PDE1A: variants seen among roughly 807,000 people sequenced by gnomAD.
The protein encoded by PDE1A is phosphodiesterase 1A.
PDE1A carries 35 observed loss-of-function variants against 61.7 expected under a neutral mutation model. The ratio of observed to expected loss-of-function variants is 0.57; its 90% confidence interval spans 0.43 to 0.75. The LOEUF (loss-of-function observed/expected upper bound fraction) is 0.75, where lower values mean the gene tolerates loss of function less well. Ranked by LOEUF, PDE1A falls within the 30% of genes least tolerant of loss-of-function variation. PDE1A has a pLI of 0.00. For synonymous variants in PDE1A, 232 were observed against 213.2 expected, an observed-to-expected ratio of 1.09 and a Z score of -0.77; for missense variants, 597 against 630.6, an observed-to-expected ratio of 0.95 and a Z score of 0.57.
the PDE1A span, among the ~76,000 whole-genome samples, chr2:182,585,369 A>C: frequency 5.3e-5 from 8 of 152,328 alleles, no homozygotes; most frequent in Admixed American, 3.3e-4. Flanking sequence ...CAATGTCCTC[A>C]ATCAGAGATT....
chr2:182,221,580 T>C (rs1282643373), intron 7 of PDE1A, among the ~76,000 whole-genome samples: 1 of 152,066 alleles, frequency 6.6e-6, no homozygotes, highest in East Asian at 1.9e-4. Flanking sequence ...ACTGTATCAA[T>C]CTCTGGGACC....
intron 2 of PDE1A, among the ~76,000 whole-genome samples, chr2:182,256,872 G>GT (rs1210649339): frequency 1.3e-5 from 2 of 152,130 alleles, no homozygotes; most frequent in Admixed American, 6.5e-5. Context: ...GTCTATCTCT[G>GT]TTTTTTGTAC....
chr2:182,384,458 A>AAATAAT (rs112896044), intron 1 of PDE1A, among the ~76,000 whole-genome samples: 13,943 of 141,788 alleles, frequency 0.098, 1,204 homozygotes, highest in African/African-American at 0.25. Context: ...AATAAAGAGA[A>AAATAAT]AATAATAATA....
At chr2:182,607,730 A>G in the PDE1A span, among the ~76,000 whole-genome samples, 8 of 152,362 alleles carry the variant, frequency 5.3e-5, 1 homozygote, top group South Asian at 1.7e-3. Context: ...AAAGGTTCAT[A>G]TTACAGGATG....
In PDE1A at chr2:182,188,746, G is replaced by A. The variant is rs111534820; in HGVS notation, c.1207+233C>T. The stretch of plus-strand genomic sequence containing the variant: ...AAGAAAATTTTATATTTTGTAAAAG[G>A]ATTACAACCACGATAACAATTACAT... On this transcript the variant is annotated intron_variant, in intron 11 of 13. Transcript: ENST00000351439. 9.2e-5 allele frequency among the ~76,000 whole-genome samples: 14 copies of A among 152,190 alleles called. 1 individual carries two copies. The highest frequency in any genetic ancestry group is 2.9e-4 in the African/African-American group (12 of 41,526).
intron 1 of PDE1A, among the ~76,000 whole-genome samples, chr2:182,342,955 A>G (rs764240925): frequency 7.9e-5 from 12 of 152,212 alleles, no homozygotes; most frequent in Non-Finnish European, 1.6e-4. Flanking sequence ...TGAATATACA[A>G]TATGTATATG....
the PDE1A span, among the ~76,000 whole-genome samples, chr2:182,584,302 T>G: frequency 6.6e-6 from 1 of 151,986 alleles, no homozygotes; most frequent in Non-Finnish European, 1.5e-5. Flanking sequence ...GTTCTACTGC[T>G]GACTATCTCT....
the PDE1A span, among the ~76,000 whole-genome samples, chr2:182,700,758 G>T: frequency 3.4e-4 from 32 of 94,870 alleles, no homozygotes; most frequent in East Asian, 5.5e-3. Flanking sequence ...AAAAGAAAAA[G>T]AAAAAGAAAT....
At chr2:182,556,363 G>A in the PDE1A span, among the ~76,000 whole-genome samples, 5 of 152,330 alleles carry the variant, frequency 3.3e-5, no homozygotes, top group South Asian at 4.1e-4. Flanking sequence ...CCAGGATATC[G>A]TGACTTTTCA....
the PDE1A span, among the ~76,000 whole-genome samples, chr2:182,638,354 C>G: frequency 6.6e-6 from 1 of 152,056 alleles, no homozygotes; most frequent in East Asian, 1.9e-4. Flanking sequence ...GCCTGGCCAA[C>G]ATGGTGAACA....
At chr2:182,573,974 C>T in the PDE1A span, among the ~76,000 whole-genome samples, 2 of 98,872 alleles carry the variant, frequency 2.0e-5, no homozygotes, top group South Asian at 2.4e-4. Flanking sequence ...TTTTTTTATA[C>T]ACACACACAC....
chr2:182,376,014 C>T (rs558509752), intron 1 of PDE1A, among the ~76,000 whole-genome samples: 88 of 152,320 alleles, frequency 5.8e-4, no homozygotes, highest in Middle Eastern at 3.4e-3. Flanking sequence ...AGCATGGGGA[C>T]CCTGGGCCCT....
chr2:182,637,289 G>A, the PDE1A span, among the ~76,000 whole-genome samples: 2 of 152,144 alleles, frequency 1.3e-5, no homozygotes, highest in Non-Finnish European at 2.9e-5. Context: ...CCATTGATTA[G>A]CTAATATAAT....
chr2:182,212,688 C>A (rs532936099), intron 7 of PDE1A, among the ~76,000 whole-genome samples: 9 of 152,168 alleles, frequency 5.9e-5, no homozygotes, highest in East Asian at 1.9e-4. Context: ...CACTCCCACC[C>A]GAATACTGCG....
At chr2:182,700,282 A>G in the PDE1A span, among the ~76,000 whole-genome samples, 1 of 152,190 alleles carries the variant, frequency 6.6e-6, no homozygotes, top group Non-Finnish European at 1.5e-5. Context: ...CATTTAAAAA[A>G]ATATGTAGGC....
At chr2:182,527,326 AAATATATATATATAT>A (rs549256817), upstream of PDE1A, among the ~76,000 whole-genome samples, 2,902 of 21,706 alleles carry the variant, frequency 0.13, 435 homozygotes, top group Non-Finnish European at 0.19. Flanking sequence ...AAAAAAAAAA[AAATATATATATATAT>A]ATATATATAT....
At chr2:182,500,592 A>G (rs1200904782) in intron 2 of PDE1A, among the ~76,000 whole-genome samples, 1 of 152,224 alleles carries the variant, frequency 6.6e-6, no homozygotes, top group Non-Finnish European at 1.5e-5. Context: ...GCCTGACACT[A>G]AACTTCAAAT....
the PDE1A span, among the ~76,000 whole-genome samples, chr2:182,600,359 A>G: frequency 6.6e-6 from 1 of 152,204 alleles, no homozygotes; most frequent in Non-Finnish European, 1.5e-5. Context: ...AGAAATCCCA[A>G]GCCTTGTTTA....
At chr2:182,306,698 A>C (rs1426082921) in intron 1 of PDE1A, among the ~76,000 whole-genome samples, 1 of 152,196 alleles carries the variant, frequency 6.6e-6, no homozygotes, top group Non-Finnish European at 1.5e-5. Flanking sequence ...TGAAAGTGCA[A>C]GAATACAATG....
Sources: gnomAD v4.1 joint callset for allele counts (sites outside exome capture counted in the v4.1 genomes callset) on GRCh38, gnomAD v4.1.1 for gene constraint, MANE v1.5 for transcripts, NCBI Gene and HGNC (gene_info 2026-07-23, HGNC 2026-07-21) for gene names.